The following ANHX variants were observed in gnomAD, a reference collection of about 807,000 sequenced individuals.
ANHX encodes the protein anomalous homeobox protein.
Under a neutral mutation model 38.9 loss-of-function variants are expected in ANHX, and 20 were observed. The ratio of observed to expected loss-of-function variants is 0.51; its 90% CI spans 0.36 to 0.75. The LOEUF (loss-of-function observed/expected upper bound fraction) is 0.75. ANHX is among the 30% of genes least tolerant of loss of function. The pLI is 0.00. For missense variants in ANHX, 475 were observed against 493.1 expected (o/e 0.96, Z 0.35); for synonymous variants, 185 against 203.1 (o/e 0.91, Z 0.76).
Position 133,234,303 on chromosome 12 carries a change from C to CG in ANHX, c.53dup (p.Ala19GlyfsTer17). On this transcript the variant is annotated frameshift_variant, in exon 2 of 10. Transcript: ENST00000545940. LOFTEE classifies it high-confidence loss of function. ...TGCCCGCAAGGGTCACCAGCTCCGCCGGGGGTGCACAGGTGTCCTCATGCT... is the reference window on the plus strand; with the variant it reads ...TGCCCGCAAGGGTCACCAGCTCCGCCGGGGGGTGCACAGGTGTCCTCATGCT... The CG allele has an allele frequency of 6.5e-7, 1 of 1,536,096 alleles. No individual in the cohort carries two copies. Among genetic ancestry groups the CG allele is most frequent in the Non-Finnish European group, 8.7e-7 (1 of 1,146,876 alleles).
chr12:133,219,062 C>T (rs928154183), intron 9 of ANHX, 91 bp from the exon 10 acceptor site: 1 of 1,209,416 alleles, frequency 8.3e-7, no homozygotes, highest in Non-Finnish European at 1.1e-6. Context: ...CTTGGGAAGA[C>T]CCCCCGCAAC....
Position 133,221,239 on chromosome 12 carries a change from G to T in ANHX, c.1246C>A (p.Pro416Thr), listed in dbSNP as rs1265316222. The change falls in exon 8 of 10, where the codon CCA (proline) becomes ACA (threonine). Residue 416 changes from proline to threonine, a missense_variant. Physicochemically the swap from Pro to Thr is conservative, Grantham distance 38. Transcript: ENST00000545940. The surrounding 1 kb of genome is among the most constrained non-coding windows in gnomAD (Gnocchi z 4.1). The part of the protein sequence containing the change: ...RVGSFLVTQP[P>T]LQAPEFILTQ... ...AGGATGAATTCAGGAGCTTGCAGTG[G>T]GGGCTGTGTCACCAGGAAGCTGCCC... 6.5e-7 allele frequency: 1 copy of T among 1,536,042 alleles called. No homozygotes were observed. The highest frequency in any genetic ancestry group is 8.7e-7 in the Non-Finnish European group (1 of 1,146,894).
chr12:133,218,579 A>G lies in ANHX; in HGVS notation c.*306T>C, dbSNP rs539982481. The G allele has an allele frequency of 4.4e-4, 100 of 229,462 alleles. 2 individuals carry two copies. The East Asian group carries it at 8.0e-3, about 18-fold the overall frequency. The allele number at this position is 229,462 out of a possible 1,614,324, so 14.2% of individuals were successfully genotyped here. ...AGCAGCAGAACACTCCCCTCTCTAG[A>G]ATGGCCTTCTCTGCACGAGTGCCCC... On this transcript the variant is annotated 3_prime_UTR_variant, in exon 10 of 10. Transcript: ENST00000545940.
intron 9 of ANHX, 125 bp from the exon 10 acceptor site, chr12:133,219,096 T>C (rs1210538437): frequency 6.8e-6 from 7 of 1,029,042 alleles, no homozygotes; most frequent in East Asian, 5.3e-5. Context: ...GGAGGGAATG[T>C]TGCCCCACAG....
intron 2 of ANHX, among the ~76,000 whole-genome samples, chr12:133,233,008 C>T (rs562091449): frequency 6.6e-6 from 1 of 152,282 alleles, no homozygotes; most frequent in Admixed American, 6.5e-5. Flanking sequence ...GCACCACCTC[C>T]CTGGGCTGAC....
At position 133,221,460 on chromosome 12, in the gene ANHX, G is replaced by C. The variant is rs1412408212; in HGVS notation, c.1133-108C>G. On this transcript the variant is annotated intron_variant, in intron 7 of 9. Transcript: ENST00000545940. This position sits in a 1 kb window ranked among gnomAD's most constrained non-coding sequence, Gnocchi z 4.1. Reference sequence around the variant, plus strand: ...GGAGGCGGATGCAGCCTCCGGCCCAGCCAGCCCGCGCCACGTGAACCAGAC... The same window carrying C: ...GGAGGCGGATGCAGCCTCCGGCCCACCCAGCCCGCGCCACGTGAACCAGAC... 5.6e-6 allele frequency: 7 copies of C among 1,255,948 alleles called. No individual in the cohort carries two copies. The East Asian group carries it at 1.8e-4, about 32-fold the overall frequency. 77.8% of individuals were successfully genotyped at this position (1,255,948 alleles called of 1,614,324 possible).
chr12:133,228,252 T>C (rs141464270), intron 3 of ANHX, among the ~76,000 whole-genome samples: 115,352 of 151,854 alleles, frequency 0.76, 44,754 homozygotes, highest in African/African-American at 0.91. Context: ...CATCCTCACA[T>C]GTAGACATCC....
intron 3 of ANHX, 120 bp downstream of exon 3, chr12:133,231,397 G>C (rs1957272601): frequency 1.5e-6 from 2 of 1,364,828 alleles, no homozygotes; most frequent in Non-Finnish European, 9.9e-7. Context: ...TGCTCCGGCG[G>C]ACATTTCCTG....
intron 3 of ANHX, among the ~76,000 whole-genome samples, chr12:133,228,282 G>A (rs966793798): frequency 6.6e-6 from 1 of 151,426 alleles, no homozygotes; most frequent in Non-Finnish European, 1.5e-5. Context: ...GAGGCCGCGT[G>A]CACAGCCTTC....
intron 5 of ANHX, 88 bp downstream of exon 5, chr12:133,226,848 C>A: frequency 7.9e-7 from 1 of 1,258,810 alleles, no homozygotes; most frequent in Non-Finnish European, 1.1e-6. Flanking sequence ...GAGGGCTACC[C>A]CTGTAAGCAG....
At chr12:133,232,315 T>TGACGGAGGA (rs1555308179) in intron 2 of ANHX, among the ~76,000 whole-genome samples, 26 of 152,220 alleles carry the variant, frequency 1.7e-4, no homozygotes, top group East Asian at 5.8e-4. Context: ...ATTTCCTTAA[T>TGACGGAGGA]TCCAATCATC....
intron 3 of ANHX, 123 bp downstream of exon 3, chr12:133,231,394 G>T: frequency 7.5e-7 from 1 of 1,325,702 alleles, no homozygotes; most frequent in Non-Finnish European, 1.0e-6. Context: ...TACTGCTCCG[G>T]CGGACATTTC....
Position 133,234,316 on chromosome 12 carries a change from G to A in ANHX, c.41C>T (p.Thr14Ile), listed in dbSNP as rs1000118965. 8.5e-6 allele frequency: 13 copies of A among 1,536,016 alleles called. No homozygotes were observed. The Admixed American group carries it at 1.2e-4, about 14-fold the overall frequency. Residue 14 changes from threonine to isoleucine, a missense_variant, in exon 2 of 10, where the codon ACC (threonine) becomes ATC (isoleucine). Coordinates refer to ENST00000545940, the MANE Select transcript of ANHX (RefSeq NM_001372060.1). ...CACCAGCTCCGCCGGGGGTGCACAG[G>A]TGTCCTCATGCTCCTTCAGCAGAGT... ...FLTLLKEHED[T>I]CAPPAELVTL...
At chr12:133,220,263 A>C (rs938387532) in intron 8 of ANHX, among the ~76,000 whole-genome samples, 2 of 152,202 alleles carry the variant, frequency 1.3e-5, no homozygotes, top group Non-Finnish European at 2.9e-5. Context: ...TTCAGGTTGA[A>C]GCATGGCCTT....
chr12:133,229,691 G>C (rs550969956), intron 3 of ANHX, among the ~76,000 whole-genome samples: 1 of 152,234 alleles, frequency 6.6e-6, no homozygotes, highest in African/African-American at 2.4e-5. Flanking sequence ...TGCATCTTCT[G>C]TGACTCAGAT....
chr12:133,223,445 C>CT (rs899014720), intron 7 of ANHX, among the ~76,000 whole-genome samples: 25,104 of 130,196 alleles, frequency 0.19, 2,934 homozygotes, highest in Non-Finnish European at 0.26. Context: ...AGACTTTATT[C>CT]TTTTTTTTTT....
chr12:133,220,606 C>A lies in ANHX; in HGVS notation c.1280+599G>T, dbSNP rs137910214. Among the ~76,000 whole-genome samples the A allele has an allele frequency of 3.9e-3, 600 of 152,308 alleles. 7 individuals are homozygous for A. The highest frequency in any genetic ancestry group is 0.014 in the African/African-American group (570 of 41,558). ...GGAGACCCCACAACCTGGGGATCTG[C>A]TCTGCTCCTGGAGGCCCTAGTGTAG... is the stretch of plus-strand genomic sequence containing the variant. On this transcript the variant is annotated intron_variant, in intron 8 of 9. Transcript: ENST00000545940.
chr12:133,234,003 G>C, intron 2 of ANHX, 105 bp downstream of exon 2: 1 of 1,416,060 alleles, frequency 7.1e-7, no homozygotes, highest in Non-Finnish European at 9.3e-7. Flanking sequence ...TGGCCAGTGG[G>C]TTCCTACTAA....
chr12:133,235,301 C>T (rs1266785300), intron 1 of ANHX: 3 of 152,196 alleles, frequency 2.0e-5, no homozygotes, highest in African/African-American at 7.2e-5. Flanking sequence ...CCCCCACCGG[C>T]TCTGGGAGGG....
Sources: gnomAD v4.1 joint callset for allele counts (sites outside exome capture counted in the v4.1 genomes callset) on GRCh38, gnomAD v4.1.1 for gene constraint, Gnocchi (gnomAD v3.1) non-coding constraint, MANE v1.5 for transcripts, NCBI Gene and HGNC (gene_info 2026-07-23, HGNC 2026-07-21) for gene names.